Variants in ATP2C1 observed in about 807,000 individuals in gnomAD.
ATP2C1 encodes ATPase secretory pathway Ca2+ transporting 1.
ATP2C1 carries 31 observed loss-of-function variants against 120.5 expected under a neutral mutation model. The observed-to-expected ratio is 0.26, with a 90% confidence interval of 0.19 to 0.35. The LOEUF (loss-of-function observed/expected upper bound fraction) is 0.35. Among genes scored for constraint, ATP2C1 ranks in the 10% least tolerant of loss-of-function variants. The pLI, the probability that ATP2C1 is intolerant of heterozygous loss-of-function variation, is 1.00. For missense variants in ATP2C1, 731 were observed against 1,107.5 expected (o/e 0.66, Z 4.83); for synonymous variants, 351 against 358.7 (o/e 0.98, Z 0.24).
intron 1 of ATP2C1, among the ~76,000 whole-genome samples, chr3:130,884,140 G>A (rs1044092877): frequency 1.3e-5 from 2 of 150,612 alleles, no homozygotes; most frequent in South Asian, 2.1e-4. Flanking sequence ...GGGGTTTCAC[G>A]ACATTGGCCA....
At chr3:130,920,719 A>G (rs1272113320) in intron 2 of ATP2C1, among the ~76,000 whole-genome samples, 1 of 152,194 alleles carries the variant, frequency 6.6e-6, no homozygotes, top group Non-Finnish European at 1.5e-5. Context: ...AAAAAATACC[A>G]CTGGAATTTT....
intron 1 of ATP2C1, among the ~76,000 whole-genome samples, chr3:130,861,976 T>C (rs1049609811): frequency 2.6e-5 from 4 of 152,054 alleles, no homozygotes; most frequent in Non-Finnish European, 5.9e-5. Context: ...ATTTTTTAAT[T>C]AAAAAAATTT....
At chr3:130,897,585 C>T (rs2069745207) in intron 2 of ATP2C1, among the ~76,000 whole-genome samples, 2 of 152,102 alleles carry the variant, frequency 1.3e-5, no homozygotes, top group South Asian at 2.1e-4. Flanking sequence ...ATAGTGTTTC[C>T]CTAGAGCATC....
At chr3:130,932,169 G>A in intron 4 of ATP2C1, 31 bp downstream of exon 4, 1 of 1,285,370 alleles carries the variant, frequency 7.8e-7, no homozygotes, top group Non-Finnish European at 1.1e-6. Context: ...CTTCTACTGT[G>A]TAATTTATTA....
chr3:130,931,614 G>T (rs2059451143), intron 3 of ATP2C1, among the ~76,000 whole-genome samples: 1 of 152,030 alleles, frequency 6.6e-6, no homozygotes, highest in African/African-American at 2.4e-5. Context: ...AAGTCTTGTG[G>T]CTGATTGTGT....
At chr3:130,895,162 C>G (rs996616163) in intron 2 of ATP2C1, among the ~76,000 whole-genome samples, 4 of 152,134 alleles carry the variant, frequency 2.6e-5, no homozygotes, top group Admixed American at 2.6e-4. Flanking sequence ...ATTGGCGTTT[C>G]AAGCCTCGAT....
chr3:130,922,805 C>T (rs2059027166), intron 2 of ATP2C1, among the ~76,000 whole-genome samples: 1 of 152,180 alleles, frequency 6.6e-6, no homozygotes, highest in Non-Finnish European at 1.5e-5. Flanking sequence ...TTTTATTCCA[C>T]TGTGGTCAGA....
chr3:130,860,987 C>T (rs933125067), intron 1 of ATP2C1, among the ~76,000 whole-genome samples: 1 of 152,152 alleles, frequency 6.6e-6, no homozygotes, highest in Non-Finnish European at 1.5e-5. Flanking sequence ...TCAGGTTTCT[C>T]GACATGGTGC....
chr3:130,907,929 GT>G (rs2058214810), intron 2 of ATP2C1, among the ~76,000 whole-genome samples: 1 of 151,994 alleles, frequency 6.6e-6, no homozygotes, highest in Non-Finnish European at 1.5e-5. Context: ...ATGTTTGGGT[GT>G]GACCTTATTC....
downstream of ATP2C1, among the ~76,000 whole-genome samples, chr3:131,008,082 A>C (rs2063183061): frequency 6.6e-6 from 1 of 152,154 alleles, no homozygotes; most frequent in Non-Finnish European, 1.5e-5. Context: ...ATTACAAGTT[A>C]GGGAAATAGT....
chr3:130,936,943 GTAAATGGAA>G (rs2059700699), intron 5 of ATP2C1, among the ~76,000 whole-genome samples: 1 of 151,718 alleles, frequency 6.6e-6, no homozygotes, highest in Non-Finnish European at 1.5e-5. Flanking sequence ...ATATGTTATA[GTAAATGGAA>G]TACTAGCTTT....
At chr3:130,993,090 C>T in intron 21 of ATP2C1, 89 bp downstream of exon 21, 1 of 1,139,354 alleles carries the variant, frequency 8.8e-7, no homozygotes, top group East Asian at 2.4e-5. Flanking sequence ...GGGAGTAGAG[C>T]ATCAAGGTCA....
chr3:130,876,500 T>A (rs1490222847), intron 1 of ATP2C1, among the ~76,000 whole-genome samples: 1 of 152,016 alleles, frequency 6.6e-6, no homozygotes, highest in Non-Finnish European at 1.5e-5. Context: ...TGTTTTTATC[T>A]TGCTGTTTTG....
At chr3:131,008,621 T>A (rs1425733805) in intron 26 of ATP2C1, among the ~76,000 whole-genome samples, 1 of 152,204 alleles carries the variant, frequency 6.6e-6, no homozygotes, top group African/African-American at 2.4e-5. Flanking sequence ...AGGGACTATA[T>A]GACCTGTAAA....
chr3:131,002,980 T>G lies in ATP2C1; in HGVS notation c.*1630T>G. ...CATTAGTGACTTGATGTCTCATACC[T>G]TAATTTTGTAATGATTTTTATTCTC... is the stretch of plus-strand genomic sequence containing the variant. On this transcript the variant is annotated 3_prime_UTR_variant, in exon 28 of 28. Transcript: ENST00000510168. The G allele has an allele frequency of 1.0e-6, 1 of 985,726 alleles. No individual in the cohort carries two copies. Among genetic ancestry groups the G allele is most frequent in the Non-Finnish European group, 1.2e-6 (1 of 829,768 alleles). 61.1% of individuals were successfully genotyped at this position (985,726 alleles called of 1,614,324 possible).
chr3:130,872,778 T>A (rs951442938), intron 1 of ATP2C1, among the ~76,000 whole-genome samples: 17 of 151,876 alleles, frequency 1.1e-4, no homozygotes, highest in African/African-American at 3.9e-4. Flanking sequence ...AGAGACGGAG[T>A]TTCACCATTT....
Position 130,920,810 on chromosome 3 carries a change from A to G in ATP2C1, c.7-9606A>G, listed in dbSNP as rs780669951. Among the ~76,000 whole-genome samples the G allele has an allele frequency of 4.0e-4, 61 of 152,346 alleles. 1 individual carries two copies. Among genetic ancestry groups the G allele is most frequent in the Middle Eastern group, 6.8e-3 (2 of 294 alleles). On this transcript the variant is annotated intron_variant, in intron 2 of 27. Coordinates refer to ENST00000510168, the MANE Select transcript of ATP2C1 (RefSeq NM_001378687.1). ...TACTAAGTCTTAACAAAACGTGAGC[A>G]TAGGTGTTTCTGTTTTTTTGTGTGT... is the stretch of plus-strand genomic sequence containing the variant.
chr3:130,943,663 T>C (rs1299042795), intron 8 of ATP2C1, among the ~76,000 whole-genome samples: 1 of 152,242 alleles, frequency 6.6e-6, no homozygotes, highest in Admixed American at 6.5e-5. Flanking sequence ...GATTTTGTTC[T>C]AGTTAATCCA....
intron 20 of ATP2C1, among the ~76,000 whole-genome samples, chr3:130,982,792 T>A (rs934614688): frequency 6.6e-6 from 1 of 152,164 alleles, no homozygotes; most frequent in African/African-American, 2.4e-5. Context: ...TCATTAGTGG[T>A]ATATGTTCAA....
Sources: gnomAD v4.1 joint callset for allele counts (sites outside exome capture counted in the v4.1 genomes callset) on GRCh38, gnomAD v4.1.1 for gene constraint, MANE v1.5 for transcripts, NCBI Gene and HGNC (gene_info 2026-07-23, HGNC 2026-07-21) for gene names.